MAPRE3: variants seen among roughly 807,000 people sequenced by gnomAD.
The protein encoded by MAPRE3 is microtubule associated protein RP/EB family member 3.
In MAPRE3, 2 loss-of-function variants were observed where a neutral mutation model predicts 30.5. The observed-to-expected ratio is 0.07, with a 90% CI of 0.03 to 0.21. The LOEUF (loss-of-function observed/expected upper bound fraction) is 0.21. Among genes scored for constraint, MAPRE3 ranks in the 10% least tolerant of loss-of-function variants. MAPRE3 has a pLI of 1.00. For synonymous variants in MAPRE3, 110 were observed against 127.7 expected (o/e 0.86, Z 0.93); for missense variants, 204 against 351.8 (o/e 0.58, Z 3.36).
chr2:26,980,718 T>C (rs937451227), intron 1 of MAPRE3, among the ~76,000 whole-genome samples: 1 of 152,246 alleles, frequency 6.6e-6, no homozygotes, highest in Non-Finnish European at 1.5e-5. Context: ...TACGATTTTT[T>C]AAATAAGCTT....
At chr2:26,974,348 AAAT>A (rs1245247452) in intron 1 of MAPRE3, among the ~76,000 whole-genome samples, 1 of 152,360 alleles carries the variant, frequency 6.6e-6, no homozygotes, top group East Asian at 1.9e-4. Context: ...GCCACTTTAA[AAAT>A]AATATTTTTT....
intron 1 of MAPRE3, among the ~76,000 whole-genome samples, chr2:27,007,488 A>G (rs555076368): frequency 2.0e-5 from 3 of 152,336 alleles, no homozygotes; most frequent in East Asian, 3.9e-4. Flanking sequence ...TGCATAACGA[A>G]CTTTATTTTG....
intron 1 of MAPRE3, among the ~76,000 whole-genome samples, chr2:26,972,201 A>G (rs1383727426): frequency 2.6e-5 from 4 of 152,232 alleles, no homozygotes; most frequent in Non-Finnish European, 5.9e-5. Context: ...CTACCGCACA[A>G]GAGGCTTTGG....
chr2:27,023,088 T>A (rs1667145074), intron 2 of MAPRE3, among the ~76,000 whole-genome samples: 1 of 152,230 alleles, frequency 6.6e-6, no homozygotes, highest in Non-Finnish European at 1.5e-5. Flanking sequence ...GAGTTCCTGT[T>A]GGGATTGCCC....
At chr2:27,013,869 T>G (rs1252105612) in intron 1 of MAPRE3, 1 of 152,298 alleles carries the variant, frequency 6.6e-6, no homozygotes. Context: ...AGCAGCGTGA[T>G]GGTGAACCTT....
At chr2:26,971,184 AT>A in intron 1 of MAPRE3, among the ~76,000 whole-genome samples, 1 of 152,200 alleles carries the variant, frequency 6.6e-6, no homozygotes, top group East Asian at 1.9e-4. Context: ...TAGGCCTGAC[AT>A]CTCCCGGCCT....
Position 26,984,831 on chromosome 2 carries a change from C to T in MAPRE3, c.-8+14029C>T, listed in dbSNP as rs934170832. ...TCATATCAAGTTCCAGTGTAAATTA[C>T]ATGCAGAACGCACTTCCCATTGCCC... On this transcript the variant is annotated intron_variant, in intron 1 of 6. Coordinates refer to ENST00000233121, the MANE Select transcript of MAPRE3 (RefSeq NM_012326.4). 6.6e-5 allele frequency: 10 copies of T among 152,228 alleles called. 1 individual carries two copies. Among genetic ancestry groups the T allele is most frequent in the African/African-American group, 1.9e-4 (8 of 41,450 alleles). 9.4% of individuals were successfully genotyped at this position (152,228 alleles called of 1,614,324 possible).
At position 27,027,198 on chromosome 2, in the gene MAPRE3, A is replaced by C. The variant is rs945785546; in HGVS notation, c.*850A>C. The C allele has an allele frequency of 6.6e-6, 1 of 152,390 alleles. No homozygotes were observed. Among genetic ancestry groups the C allele is most frequent in the Non-Finnish European group, 1.5e-5 (1 of 68,150 alleles). The allele number at this position is 152,390 out of a possible 1,614,324, so 9.4% of individuals were successfully genotyped here. The stretch of plus-strand genomic sequence containing the variant: ...AAATAAACTTGTGTGGTAAAAGTAC[A>C]TGCCATGTGTCCCTCAACTGAGCCA... On this transcript the variant is annotated 3_prime_UTR_variant, in exon 7 of 7. Coordinates refer to ENST00000233121, the MANE Select transcript of MAPRE3 (RefSeq NM_012326.4).
rs1277534277 is a variant in MAPRE3 at position 27,026,376 on chromosome 2, C to T, written c.*28C>T. The T allele has an allele frequency of 6.3e-6, 10 of 1,589,686 alleles. No individual in the cohort carries two copies. Among genetic ancestry groups the T allele is most frequent in the East Asian group, 2.2e-5 (1 of 44,760 alleles). On this transcript the variant is annotated 3_prime_UTR_variant, in exon 7 of 7. Coordinates refer to ENST00000233121, the MANE Select transcript of MAPRE3 (RefSeq NM_012326.4). ...GCGGCCGCAGCCCTGGCTGACTGCA[C>T]AGCTTCCCCGTGCCTCCCTCCCTGC...
intron 1 of MAPRE3, among the ~76,000 whole-genome samples, chr2:26,999,116 G>A (rs1666528622): frequency 6.6e-6 from 1 of 152,136 alleles, no homozygotes; most frequent in African/African-American, 2.4e-5. Flanking sequence ...GAGGGGCTTG[G>A]GGTTGGAGAC....
chr2:26,994,227 C>G (rs902758912), intron 1 of MAPRE3, among the ~76,000 whole-genome samples: 1 of 152,180 alleles, frequency 6.6e-6, no homozygotes, highest in African/African-American at 2.4e-5. Context: ...AACTGACTTA[C>G]ATTTATTTGC....
At chr2:27,020,138 T>C (rs963433575) in intron 1 of MAPRE3, among the ~76,000 whole-genome samples, 1 of 152,148 alleles carries the variant, frequency 6.6e-6, no homozygotes, top group Non-Finnish European at 1.5e-5. Context: ...GGGGACGGCA[T>C]TCCAGACAGA....
intron 1 of MAPRE3, among the ~76,000 whole-genome samples, chr2:27,008,897 A>G (rs1292131595): frequency 6.6e-6 from 1 of 152,246 alleles, no homozygotes; most frequent in African/African-American, 2.4e-5. Context: ...AATCCGTGCA[A>G]CAACTTGGAT....
chr2:27,023,836 CG>C (rs566621282), intron 3 of MAPRE3: 1 of 514,216 alleles, frequency 1.9e-6, no homozygotes, highest in African/African-American at 1.9e-5. Context: ...CCAGCCCACA[CG>C]CAGGCAGTAG....
rs147091702 is a variant in MAPRE3, at chr2:27,003,747, C to T, written c.-7-18465C>T. Among the ~76,000 whole-genome samples the T allele has an allele frequency of 1.5e-4, 23 of 152,322 alleles. No homozygotes were observed. In the East Asian group the frequency reaches 3.1e-3, roughly 20 times the overall value. ...TGGCATCCACAAAATCAGTCCCTCA[C>T]ACAACTTACTTATTTAACAATATCA... On this transcript the variant is annotated intron_variant, in intron 1 of 6. Transcript: ENST00000233121.
In MAPRE3 at chr2:27,022,175, C is replaced by T. The variant is rs1454570749; in HGVS notation, c.-7-37C>T. The T allele has an allele frequency of 8.7e-6, 14 of 1,606,104 alleles. No individual in the cohort carries two copies. In the African/African-American group the frequency reaches 1.5e-4, roughly 17 times the overall value. On this transcript the variant is annotated intron_variant, in intron 1 of 6. Coordinates refer to ENST00000233121, the MANE Select transcript of MAPRE3 (RefSeq NM_012326.4). ...TTGACAGCTAAGGAGCTACATGAGGCCCCAGTGCTGACCTCACCTTTCTTC... is the reference window on the plus strand; with the variant it reads ...TTGACAGCTAAGGAGCTACATGAGGTCCCAGTGCTGACCTCACCTTTCTTC...
chr2:27,023,228 C>T (rs1667148936), intron 2 of MAPRE3, 104 bp from the exon 3 acceptor site: 3 of 1,306,928 alleles, frequency 2.3e-6, no homozygotes, highest in African/African-American at 2.9e-5. Context: ...GTCCCTGGCC[C>T]AGAACAAGGA....
At position 27,026,324 on chromosome 2, in the gene MAPRE3, A is replaced by G. The variant is rs1217136338; in HGVS notation, c.822A>G (p.Gln274=). 2.5e-6 allele frequency: 4 copies of G among 1,613,952 alleles called. No homozygotes were observed. The African/African-American group carries it at 4.0e-5, about 16-fold the overall frequency. ...PPEDDEIEEH[Q]QEDQDEY is the part of the protein sequence containing the mutation. ...AGGACGATGAGATTGAAGAGCATCA[A>G]CAAGAAGACCAGGACGAGTACTGAG... The change falls in exon 7 of 7, where the codon CAA becomes CAG. Residue 274 remains glutamine, a synonymous_variant. Transcript: ENST00000233121.
intron 1 of MAPRE3, among the ~76,000 whole-genome samples, chr2:26,992,207 C>G (rs1233730557): frequency 1.3e-5 from 2 of 151,420 alleles, no homozygotes; most frequent in Non-Finnish European, 2.9e-5. Flanking sequence ...TACTCATTCT[C>G]ACTGACTAAT....
Sources: allele counts gnomAD v4.1 joint callset (sites outside exome capture counted in the v4.1 genomes callset), GRCh38; gene constraint gnomAD v4.1.1; transcripts MANE v1.5; gene names NCBI Gene and HGNC (gene_info 2026-07-23, HGNC 2026-07-21).